Variants in ALG9 observed in about 807,000 individuals in gnomAD.
The protein encoded by ALG9 is alpha-1,2-mannosyltransferase ALG9.
ALG9 carries 55 observed loss-of-function variants against 81.8 expected under a neutral mutation model. The ratio of observed to expected loss-of-function variants is 0.67; its 90% CI spans 0.54 to 0.84. The LOEUF is 0.84. Ranked by LOEUF, ALG9 falls within the 40% of genes least tolerant of loss-of-function variation. The pLI is 0.00. For synonymous variants in ALG9, 278 were observed against 274.3 expected (o/e 1.01, Z -0.13); for missense variants, 629 against 745.0 (o/e 0.84, Z 1.81).
At chr11:111,815,982 T>G (rs947995321) in intron 13 of ALG9, among the ~76,000 whole-genome samples, 1 of 152,220 alleles carries the variant, frequency 6.6e-6, no homozygotes, top group African/African-American at 2.4e-5. Context: ...ACAGAAGGAT[T>G]ACAATGTTAA....
At chr11:111,773,383 T>C in the ALG9 span, among the ~76,000 whole-genome samples, 1 of 152,134 alleles carries the variant, frequency 6.6e-6, no homozygotes, top group Non-Finnish European at 1.5e-5. Flanking sequence ...TAGCTGGGAC[T>C]ACAGGCATGT....
intron 13 of ALG9, among the ~76,000 whole-genome samples, chr11:111,817,786 T>C (rs1398406573): frequency 6.6e-6 from 1 of 151,340 alleles, no homozygotes; most frequent in African/African-American, 2.4e-5. Context: ...TCTTTTTTTT[T>C]TTTTTTTTTG....
chr11:111,809,543 G>A (rs1555089000), intron 14 of ALG9, 100 bp downstream of exon 14: 11 of 1,239,248 alleles, frequency 8.9e-6, no homozygotes, highest in Non-Finnish European at 1.3e-5. Flanking sequence ...CACACACGAT[G>A]GCTACTAGAG....
At chr11:111,771,739 T>C in the ALG9 span, among the ~76,000 whole-genome samples, 1 of 152,258 alleles carries the variant, frequency 6.6e-6, no homozygotes, top group Non-Finnish European at 1.5e-5. Context: ...CCGAGGGCTG[T>C]ACTTAATTCA....
chr11:111,791,840 C>A (rs11214003), intron 14 of ALG9, among the ~76,000 whole-genome samples: 39,364 of 152,240 alleles, frequency 0.26, 5,283 homozygotes, highest in Admixed American at 0.33. Flanking sequence ...GCCTGTAATC[C>A]CAGCACTTTG....
At chr11:111,775,665 G>A in the ALG9 span, among the ~76,000 whole-genome samples, 6 of 151,994 alleles carry the variant, frequency 3.9e-5, no homozygotes, top group African/African-American at 2.4e-5. Flanking sequence ...ACTTAAGCCC[G>A]GGAGTTTGAG....
chr11:111,851,605 G>T (rs538988110), intron 8 of ALG9, among the ~76,000 whole-genome samples: 24 of 151,962 alleles, frequency 1.6e-4, no homozygotes, highest in African/African-American at 5.8e-4. Flanking sequence ...CCATTATAAA[G>T]GTGGAGAAGT....
chr11:111,803,927 G>C (rs1359337504), intron 14 of ALG9, among the ~76,000 whole-genome samples: 1 of 152,022 alleles, frequency 6.6e-6, no homozygotes. Context: ...GCGGTCAGGA[G>C]TTCCAGACCA....
chr11:111,847,661 C>T (rs1264712527), intron 8 of ALG9, among the ~76,000 whole-genome samples: 2 of 152,162 alleles, frequency 1.3e-5, no homozygotes, highest in Non-Finnish European at 2.9e-5. Context: ...TGATCTCTGA[C>T]CCCACAGAGA....
Position 111,844,617 on chromosome 11 carries a change from C to T in ALG9, c.1002G>A (p.Leu334=). 2 of 1,614,024 alleles carry T rather than the reference C, an allele frequency of 1.2e-6. No homozygotes were observed. Among genetic ancestry groups the T allele is most frequent in the Non-Finnish European group, 1.7e-6 (2 of 1,179,984 alleles). The change falls in exon 9 of 15, where the codon CTG becomes CTA. Residue 334 remains leucine, a synonymous_variant. Coordinates refer to ENST00000616540, the MANE Select transcript of ALG9 (RefSeq NM_024740.2). The part of the protein sequence containing the change: ...VLPLTSLMEY[L]LQRFHVQNLG... Reference sequence around the variant, plus strand: ...GCCACTCACCATGAAATCTCTGCAGCAGGTATTCCATAAGAGAAGTCAGTG... The same window carrying T: ...GCCACTCACCATGAAATCTCTGCAGTAGGTATTCCATAAGAGAAGTCAGTG...
chr11:111,840,886 T>C (rs1956112979), intron 9 of ALG9, 77 bp from the exon 10 acceptor site: 3 of 1,572,304 alleles, frequency 1.9e-6, no homozygotes, highest in Non-Finnish European at 2.6e-6. Context: ...GTTATCTTGA[T>C]CTCAAATTTA....
At chr11:111,836,462 C>A (rs1381503178) in intron 12 of ALG9, among the ~76,000 whole-genome samples, 168 bp from the exon 13 acceptor site, 1 of 152,180 alleles carries the variant, frequency 6.6e-6, no homozygotes, top group Non-Finnish European at 1.5e-5. Flanking sequence ...ACAAGTCAGT[C>A]CAAAATCATT....
intron 14 of ALG9, among the ~76,000 whole-genome samples, chr11:111,799,606 T>C (rs1485398101): frequency 6.6e-6 from 1 of 152,160 alleles, no homozygotes; most frequent in Admixed American, 6.5e-5. Flanking sequence ...CAAATCCACA[T>C]AGTAAATGGA....
intron 6 of ALG9, 96 bp from the exon 7 acceptor site, chr11:111,853,832 C>T (rs1392140979): frequency 9.6e-6 from 11 of 1,144,504 alleles, no homozygotes; most frequent in Admixed American, 1.7e-5. Context: ...AATAAAATGC[C>T]TCTGCCAGTT....
intron 14 of ALG9, 112 bp downstream of exon 14, chr11:111,809,531 C>A (rs185155797): frequency 5.3e-6 from 7 of 1,315,946 alleles, no homozygotes; most frequent in African/African-American, 1.5e-5. Flanking sequence ...CACACACACA[C>A]ACACACACGA....
rs1227345109 is a variant in ALG9 at position 111,844,061 on chromosome 11, G to A, written c.1018+540C>T. On this transcript the variant is annotated intron_variant, in intron 9 of 14. Coordinates refer to ENST00000616540, the MANE Select transcript of ALG9 (RefSeq NM_024740.2). ...TCTTGTCGCTCAGCTGGAGTGCAGC[G>A]GCGCAGGGTCTTGGCTCACTACAAC... Among the ~76,000 whole-genome samples the A allele has an allele frequency of 9.9e-5, 15 of 151,714 alleles. No homozygotes were observed. In the East Asian group the frequency reaches 1.7e-3, roughly 18 times the overall value.
rs192275316 is a variant in ALG9, at chr11:111,862,352, A to G, written c.477-1717T>C. Among the ~76,000 whole-genome samples, 827 of 149,272 alleles carry G rather than the reference A, an allele frequency of 5.5e-3. 3 individuals are homozygous for G. The highest frequency in any genetic ancestry group is 0.019 in the African/African-American group (774 of 40,482). ...GAGTTCAAGTGATTCTCGTGCCTCT[A>G]CCACCCAAGTAGCTGGGGCTATAGG... On this transcript the variant is annotated intron_variant, in intron 4 of 14. Transcript: ENST00000616540.
At chr11:111,842,636 C>T (rs1956397402) in intron 9 of ALG9, among the ~76,000 whole-genome samples, 1 of 151,856 alleles carries the variant, frequency 6.6e-6, no homozygotes, top group Admixed American at 6.6e-5. Context: ...CTCACCCAGG[C>T]TGGTCTTGAA....
At chr11:111,865,400 C>T (rs956293885) in intron 3 of ALG9, 149 bp from the exon 4 acceptor site, 1 of 629,170 alleles carries the variant, frequency 1.6e-6, no homozygotes, top group Non-Finnish European at 2.8e-6. Context: ...TTTCATATCC[C>T]TTGACTCAAT....
Sources: allele counts gnomAD v4.1 joint callset (sites outside exome capture counted in the v4.1 genomes callset), GRCh38; gene constraint gnomAD v4.1.1; transcripts MANE v1.5; gene names NCBI Gene and HGNC (gene_info 2026-07-23, HGNC 2026-07-21).